The following KCNJ3 variants were observed in gnomAD, a reference collection of about 807,000 sequenced individuals.
KCNJ3 encodes G protein-activated inward rectifier potassium channel 1.
KCNJ3 carries 4 observed loss-of-function variants against 39.2 expected under a neutral mutation model. The observed-to-expected ratio is 0.10, with a 90% CI of 0.05 to 0.23. The LOEUF is 0.23. KCNJ3 is among the 10% of genes least tolerant of loss of function. KCNJ3 has a pLI of 1.00. For missense variants in KCNJ3, 276 were observed against 634.9 expected (o/e 0.43, Z 6.08); for synonymous variants, 230 against 237.4 (o/e 0.97, Z 0.29).
At chr2:154,840,105 C>T (rs1026871480) in intron 2 of KCNJ3, among the ~76,000 whole-genome samples, 9 of 152,126 alleles carry the variant, frequency 5.9e-5, no homozygotes, top group Middle Eastern at 3.4e-3. Flanking sequence ...TCTTGAATTA[C>T]TTTTTATGTA....
intron 2 of KCNJ3, among the ~76,000 whole-genome samples, chr2:154,753,077 C>T (rs527686262): frequency 4.6e-5 from 7 of 152,102 alleles, no homozygotes; most frequent in Admixed American, 2.0e-4. Flanking sequence ...TCTCTCTTAT[C>T]GGATAAGAAT....
intron 2 of KCNJ3, among the ~76,000 whole-genome samples, chr2:154,821,236 C>CA (rs1208205812): frequency 3.9e-5 from 6 of 152,046 alleles, no homozygotes; most frequent in African/African-American, 1.4e-4. Flanking sequence ...TGGAATGAGC[C>CA]AATCCTTCAA....
At chr2:154,703,507 A>G (rs201991525) in intron 1 of KCNJ3, among the ~76,000 whole-genome samples, 7 of 134,078 alleles carry the variant, frequency 5.2e-5, no homozygotes, top group South Asian at 4.8e-4. Flanking sequence ...GTGTGTGTGT[A>G]TACATATCCT....
At chr2:154,788,806 A>G (rs1686579500) in intron 2 of KCNJ3, among the ~76,000 whole-genome samples, 3 of 151,912 alleles carry the variant, frequency 2.0e-5, no homozygotes, top group African/African-American at 7.2e-5. Flanking sequence ...AGGTGTAAGA[A>G]TTACTAGCAA....
At chr2:154,745,429 C>G (rs988735623) in intron 2 of KCNJ3, among the ~76,000 whole-genome samples, 1 of 151,894 alleles carries the variant, frequency 6.6e-6, no homozygotes, top group Non-Finnish European at 1.5e-5. Context: ...TTTAGGATTG[C>G]TATATCTTCT....
intron 2 of KCNJ3, among the ~76,000 whole-genome samples, chr2:154,845,318 C>A (rs1354855246): frequency 6.6e-6 from 1 of 151,904 alleles, no homozygotes; most frequent in Admixed American, 6.6e-5. Context: ...GGGGTTTTAC[C>A]ATGTTGTTCA....
chr2:154,765,939 A>G (rs7588896), intron 2 of KCNJ3, among the ~76,000 whole-genome samples: 2,059 of 152,290 alleles, frequency 0.014, 167 homozygotes, highest in Admixed American at 0.12. Flanking sequence ...AGTGATATTT[A>G]GTCTGATTCT....
chr2:154,734,358 C>T (rs1433718213), intron 2 of KCNJ3, among the ~76,000 whole-genome samples: 1 of 152,138 alleles, frequency 6.6e-6, no homozygotes, highest in South Asian at 2.1e-4. Context: ...ACCTCCTCAC[C>T]TTAAGAAAAT....
At chr2:154,745,567 G>A (rs1685726358) in intron 2 of KCNJ3, among the ~76,000 whole-genome samples, 2 of 151,734 alleles carry the variant, frequency 1.3e-5, no homozygotes, top group Admixed American at 6.6e-5. Context: ...TTTCTTTGTT[G>A]CCACTATTTT....
At chr2:154,713,594 T>G (rs907147673) in intron 2 of KCNJ3, among the ~76,000 whole-genome samples, 1 of 152,218 alleles carries the variant, frequency 6.6e-6, no homozygotes, top group African/African-American at 2.4e-5. Context: ...TACTCCTCAT[T>G]GATCAGACAC....
chr2:154,837,259 T>C (rs1687485114), intron 2 of KCNJ3, among the ~76,000 whole-genome samples: 1 of 87,390 alleles, frequency 1.1e-5, no homozygotes, highest in Non-Finnish European at 2.9e-5. Flanking sequence ...TGTATCTTAC[T>C]TTTTTGTGCA....
chr2:154,750,636 T>G (rs7574878), intron 2 of KCNJ3, among the ~76,000 whole-genome samples: 62,072 of 151,768 alleles, frequency 0.41, 14,009 homozygotes, highest in Non-Finnish European at 0.5. Flanking sequence ...TGATTTATTA[T>G]CGTAGCTGCT....
At chr2:154,769,132 A>G (rs1186906206) in intron 2 of KCNJ3, among the ~76,000 whole-genome samples, 1 of 152,154 alleles carries the variant, frequency 6.6e-6, no homozygotes, top group African/African-American at 2.4e-5. Flanking sequence ...TCATCTGCAA[A>G]CAGGGACAAT....
At chr2:154,835,559 G>A (rs1465461065) in intron 2 of KCNJ3, among the ~76,000 whole-genome samples, 1 of 150,300 alleles carries the variant, frequency 6.7e-6, no homozygotes, top group Non-Finnish European at 1.5e-5. Context: ...ATTTATACCT[G>A]TGGATAAGTT....
At chr2:154,797,991 A>G (rs973282333) in intron 2 of KCNJ3, among the ~76,000 whole-genome samples, 4 of 152,006 alleles carry the variant, frequency 2.6e-5, no homozygotes, top group African/African-American at 9.7e-5. Flanking sequence ...ACAATTCTTC[A>G]TTTCCTGGTC....
At chr2:154,832,951 G>A (rs759732614) in intron 2 of KCNJ3, among the ~76,000 whole-genome samples, 2 of 151,914 alleles carry the variant, frequency 1.3e-5, no homozygotes, top group Non-Finnish European at 2.9e-5. Flanking sequence ...TGGTGAGCAG[G>A]GTATTTAGAA....
intron 2 of KCNJ3, among the ~76,000 whole-genome samples, chr2:154,843,991 G>T (rs934130825): frequency 6.6e-6 from 1 of 152,190 alleles, no homozygotes; most frequent in African/African-American, 2.4e-5. Context: ...CATTGCTGGC[G>T]AGGAGCTGCG....
intron 2 of KCNJ3, among the ~76,000 whole-genome samples, chr2:154,724,172 T>C (rs1488828068): frequency 6.6e-6 from 1 of 152,100 alleles, no homozygotes; most frequent in Non-Finnish European, 1.5e-5. Flanking sequence ...GTGAATGTTA[T>C]AGTTACAGAA....
intron 2 of KCNJ3, among the ~76,000 whole-genome samples, chr2:154,851,679 T>A (rs1235726884): frequency 6.6e-6 from 1 of 152,216 alleles, no homozygotes; most frequent in East Asian, 1.9e-4. Context: ...TAATTTTATC[T>A]AGTAAAATAG....
Sources: allele counts gnomAD v4.1 joint callset (sites outside exome capture counted in the v4.1 genomes callset), GRCh38; gene constraint gnomAD v4.1.1; transcripts MANE v1.5; gene names NCBI Gene and HGNC (gene_info 2026-07-23, HGNC 2026-07-21).